Variants in ACSM3 observed in about 807,000 individuals in gnomAD.
ACSM3 encodes acyl-coenzyme A synthetase ACSM3, mitochondrial.
In ACSM3, 61 loss-of-function variants were observed where a neutral mutation model predicts 74.1. That is an observed-to-expected ratio of 0.82 (90% CI 0.67 to 1.02). The LOEUF (loss-of-function observed/expected upper bound fraction) is 1.02. ACSM3 is among the 50% of genes least tolerant of loss of function. The pLI is 0.00. For missense variants in ACSM3, 660 were observed against 697.0 expected (o/e 0.95, Z 0.60); for synonymous variants, 213 against 241.5 (o/e 0.88, Z 1.09).
chr16:20,733,672 G>A (rs1383352140), intron 1 of ACSM3: 1 of 151,752 alleles, frequency 6.6e-6, no homozygotes. Context: ...AATTTTTAGG[G>A]AACAAATTTA....
intron 7 of ACSM3, among the ~76,000 whole-genome samples, chr16:20,782,819 TATAAAAGATATG>T (rs1255920294): frequency 4.6e-5 from 7 of 152,178 alleles, no homozygotes; most frequent in Non-Finnish European, 7.3e-5. Context: ...CCCAGCTTAT[TATAAAAGATATG>T]ATAAAAGTTA....
At chr16:20,689,107 G>A (rs1045780634) in intron 1 of ACSM3, among the ~76,000 whole-genome samples, 24 of 151,116 alleles carry the variant, frequency 1.6e-4, no homozygotes, top group Admixed American at 1.2e-3. Flanking sequence ...AAAGTGTGGG[G>A]AGGGGCTGGC....
intron 1 of ACSM3, among the ~76,000 whole-genome samples, chr16:20,707,188 T>C (rs2079730396): frequency 6.6e-6 from 1 of 152,028 alleles, no homozygotes; most frequent in South Asian, 2.1e-4. Context: ...TCAGTCCCCA[T>C]AGCAGATCCT....
At chr16:20,754,574 A>G (rs973773892) in intron 2 of ACSM3, among the ~76,000 whole-genome samples, 3 of 152,150 alleles carry the variant, frequency 2.0e-5, no homozygotes, top group African/African-American at 7.2e-5. Context: ...TTCACCCTAT[A>G]AACACCCTCC....
intron 8 of ACSM3, 144 bp downstream of exon 8, chr16:20,785,251 ACCT>A: frequency 3.5e-6 from 4 of 1,140,246 alleles, no homozygotes; most frequent in Admixed American, 5.5e-5. Context: ...GCTTGCAAGA[ACCT>A]AATTGCAAAA....
intron 1 of ACSM3, chr16:20,736,193 G>A (rs879263208): frequency 2.6e-5 from 4 of 152,056 alleles, no homozygotes; most frequent in African/African-American, 4.8e-5. Context: ...TCTTTATTAA[G>A]ACAGAATTTC....
intron 7 of ACSM3, 134 bp from the exon 8 acceptor site, chr16:20,784,850 G>A: frequency 1.2e-6 from 1 of 868,312 alleles, no homozygotes; most frequent in Non-Finnish European, 1.7e-6. Flanking sequence ...GGGTAAAATG[G>A]TTTGTTTTGT....
intron 4 of ACSM3, among the ~76,000 whole-genome samples, chr16:20,778,597 G>A (rs1186550271): frequency 6.6e-6 from 1 of 152,084 alleles, no homozygotes; most frequent in Non-Finnish European, 1.5e-5. Context: ...GCTAGTATCT[G>A]GCAGAGCTAA....
chr16:20,752,811 G>T (rs1369835929), intron 2 of ACSM3, among the ~76,000 whole-genome samples: 1 of 152,188 alleles, frequency 6.6e-6, no homozygotes, highest in Admixed American at 6.5e-5. Context: ...ATCACAAAAG[G>T]AGAGCCAACA....
At chr16:20,777,283 A>C in intron 3 of ACSM3, 90 bp from the exon 4 acceptor site, 1 of 1,200,252 alleles carries the variant, frequency 8.3e-7, no homozygotes, top group Non-Finnish European at 1.2e-6. Flanking sequence ...CACTCTGAGA[A>C]ATACAGAATG....
intron 1 of ACSM3, chr16:20,741,476 A>AGCCGGGGGGGGGGGC: frequency 7.2e-7 from 1 of 1,388,840 alleles, no homozygotes; most frequent in Non-Finnish European, 9.5e-7. Flanking sequence ...AAGGCCTGGC[A>AGCCGGGGGGGGGGGC]GCCGGCCCGC....
chr16:20,754,899 A>T (rs1297041986), intron 2 of ACSM3, among the ~76,000 whole-genome samples: 1 of 152,202 alleles, frequency 6.6e-6, no homozygotes, highest in Non-Finnish European at 1.5e-5. Context: ...TGGGCAGAAG[A>T]TAAGTGAAGG....
intron 1 of ACSM3, among the ~76,000 whole-genome samples, chr16:20,700,406 GGA>G (rs1199445201): frequency 6.6e-6 from 1 of 152,086 alleles, no homozygotes; most frequent in Non-Finnish European, 1.5e-5. Flanking sequence ...GCAATATGAT[GGA>G]GAGAGTGTGG....
intron 1 of ACSM3, among the ~76,000 whole-genome samples, chr16:20,694,918 A>G (rs1732789637): frequency 6.6e-6 from 1 of 152,188 alleles, no homozygotes; most frequent in Non-Finnish European, 1.5e-5. Context: ...GAAGATAGCC[A>G]AGGAAAAAGA....
intron 1 of ACSM3, among the ~76,000 whole-genome samples, chr16:20,675,503 T>C (rs950267766): frequency 6.6e-6 from 1 of 152,070 alleles, no homozygotes; most frequent in African/African-American, 2.4e-5. Flanking sequence ...CTGGTGGACC[T>C]TAGAGTGAAA....
intron 1 of ACSM3, among the ~76,000 whole-genome samples, 182 bp from the exon 2 acceptor site, chr16:20,769,802 C>A (rs567905521): frequency 6.6e-6 from 1 of 152,276 alleles, no homozygotes; most frequent in South Asian, 2.1e-4. Context: ...CACAGGGTTT[C>A]TCTGAGGATT....
At chr16:20,724,472 G>A (rs2079797584) in intron 1 of ACSM3, among the ~76,000 whole-genome samples, 1 of 152,186 alleles carries the variant, frequency 6.6e-6, no homozygotes, top group Non-Finnish European at 1.5e-5. Context: ...ACTGGCACAA[G>A]ACAGGGATGC....
intron 1 of ACSM3, among the ~76,000 whole-genome samples, chr16:20,768,252 A>C (rs1019787892): frequency 6.6e-6 from 1 of 152,244 alleles, no homozygotes; most frequent in Admixed American, 6.5e-5. Context: ...TTAATAATTC[A>C]AATAAGGTCA....
At chr16:20,732,517 T>TA (rs1176262362) in intron 1 of ACSM3, among the ~76,000 whole-genome samples, 1 of 152,130 alleles carries the variant, frequency 6.6e-6, no homozygotes, top group Non-Finnish European at 1.5e-5. Flanking sequence ...AAATTATGCC[T>TA]AAAAAATCTT....
Sources: allele counts gnomAD v4.1 joint callset (sites outside exome capture counted in the v4.1 genomes callset), GRCh38; gene constraint gnomAD v4.1.1; transcripts MANE v1.5; gene names NCBI Gene and HGNC (gene_info 2026-07-23, HGNC 2026-07-21).